The following CLECL1 variants were observed in gnomAD, a reference collection of about 807,000 sequenced individuals.
CLECL1 encodes the protein C-type lectin like 1, also known as C-type lectin-like domain family 1.
chr12:9,702,739 G>T, the CLECL1 span, among the ~76,000 whole-genome samples: 4 of 152,152 alleles, frequency 2.6e-5, no homozygotes, highest in Non-Finnish European at 5.9e-5. Flanking sequence ...TTCCTCCACA[G>T]CATAATTTAA....
chr12:9,733,181 G>A (rs1157745607), upstream of CLECL1: 1 of 1,613,764 alleles, frequency 6.2e-7, no homozygotes, highest in East Asian at 2.2e-5. Flanking sequence ...ATGAATAAAT[G>A]ACAAAACCAA....
upstream of CLECL1, among the ~76,000 whole-genome samples, chr12:9,733,721 AAATCT>A (rs1452212851): frequency 1.3e-5 from 2 of 151,986 alleles, no homozygotes; most frequent in Non-Finnish European, 2.9e-5. Context: ...TAAAAGAAAA[AAATCT>A]AATTTTAAAA....
At chr12:9,729,425 T>A (rs890796471) in intron 2 of CLECL1, among the ~76,000 whole-genome samples, 1 of 152,168 alleles carries the variant, frequency 6.6e-6, no homozygotes. Context: ...TATCACATGG[T>A]GAAATTCTAT....
chr12:9,726,716 A>C (rs948792875), intron 3 of CLECL1, among the ~76,000 whole-genome samples: 5 of 152,018 alleles, frequency 3.3e-5, no homozygotes, highest in Non-Finnish European at 7.4e-5. Context: ...CTATAACAAT[A>C]GAATAAGGGT....
At chr12:9,702,560 G>A in the CLECL1 span, among the ~76,000 whole-genome samples, 1 of 152,098 alleles carries the variant, frequency 6.6e-6, no homozygotes, top group African/African-American at 2.4e-5. Flanking sequence ...AGGATGTGTG[G>A]CTCTTGCTTG....
downstream of CLECL1, among the ~76,000 whole-genome samples, chr12:9,715,589 G>A (rs1866229751): frequency 1.3e-5 from 2 of 152,162 alleles, no homozygotes; most frequent in South Asian, 2.1e-4. Flanking sequence ...ACTGAAGGCA[G>A]CCCTCTGTGT....
chr12:9,715,150 GA>G (rs1866225293), downstream of CLECL1, among the ~76,000 whole-genome samples: 1 of 152,180 alleles, frequency 6.6e-6, no homozygotes, highest in Non-Finnish European at 1.5e-5. Flanking sequence ...TAGCCTAAAT[GA>G]ATGACACAAG....
the CLECL1 span, among the ~76,000 whole-genome samples, chr12:9,710,309 C>T: frequency 6.6e-6 from 1 of 152,258 alleles, no homozygotes; most frequent in East Asian, 1.9e-4. Context: ...TTGCTAGGAA[C>T]CCCCAGGTAG....
At chr12:9,720,931 T>C (rs780134722), downstream of CLECL1, among the ~76,000 whole-genome samples, 11 of 152,366 alleles carry the variant, frequency 7.2e-5, no homozygotes, top group Middle Eastern at 3.4e-3. Context: ...TTCCTCTCTC[T>C]CGCATGTGCC....
At chr12:9,719,091 G>T (rs1245669508), downstream of CLECL1, among the ~76,000 whole-genome samples, 1 of 152,210 alleles carries the variant, frequency 6.6e-6, no homozygotes, top group African/African-American at 2.4e-5. Flanking sequence ...ACTTGGAAAT[G>T]TGCACACAGG....
intron 3 of CLECL1, among the ~76,000 whole-genome samples, chr12:9,724,297 T>G (rs755085681): frequency 6.6e-6 from 1 of 151,980 alleles, no homozygotes; most frequent in Non-Finnish European, 1.5e-5. Flanking sequence ...ACTTTCACAA[T>G]GTATAGTATA....
chr12:9,724,256 A>G (rs931615079), intron 3 of CLECL1, among the ~76,000 whole-genome samples: 2 of 151,994 alleles, frequency 1.3e-5, no homozygotes, highest in Admixed American at 1.3e-4. Flanking sequence ...TTTTGGAGGA[A>G]TATGTGAGAA....
At chr12:9,714,171 G>C (rs1866217780), downstream of CLECL1, among the ~76,000 whole-genome samples, 1 of 152,220 alleles carries the variant, frequency 6.6e-6, no homozygotes, top group South Asian at 2.1e-4. Flanking sequence ...TGAGCATGTA[G>C]ATGGGGGTTT....
chr12:9,734,012 G>A (rs942035805), upstream of CLECL1, among the ~76,000 whole-genome samples: 10 of 152,208 alleles, frequency 6.6e-5, no homozygotes, highest in Non-Finnish European at 1.2e-4. Flanking sequence ...GGAGAGCCTA[G>A]CTACCTGTGA....
At chr12:9,718,821 A>C (rs1483979809), downstream of CLECL1, 1 of 687,834 alleles carries the variant, frequency 1.5e-6, no homozygotes, top group Non-Finnish European at 2.6e-6. Flanking sequence ...ACCTGCCAAC[A>C]ACCTTGATCT....
At chr12:9,709,863 C>T in the CLECL1 span, among the ~76,000 whole-genome samples, 1 of 152,148 alleles carries the variant, frequency 6.6e-6, no homozygotes, top group Non-Finnish European at 1.5e-5. Flanking sequence ...TCAGCTAGTA[C>T]ATTAGAGGAC....
downstream of CLECL1, among the ~76,000 whole-genome samples, chr12:9,713,954 G>C (rs1047638594): frequency 1.3e-5 from 2 of 152,054 alleles, no homozygotes; most frequent in African/African-American, 4.8e-5. Flanking sequence ...TTAACTACTT[G>C]CCTTTGATTA....
intron 3 of CLECL1, among the ~76,000 whole-genome samples, chr12:9,727,039 T>C (rs1389395564): frequency 6.6e-6 from 1 of 151,760 alleles, no homozygotes; most frequent in East Asian, 1.9e-4. Context: ...AAAAGATATA[T>C]AATATTTTAA....
chr12:9,722,220 T>C (rs774321667), downstream of CLECL1, among the ~76,000 whole-genome samples: 8 of 152,256 alleles, frequency 5.3e-5, no homozygotes, highest in Non-Finnish European at 1.2e-4. Flanking sequence ...AAATGTTAGC[T>C]ATCCTCTGGA....
Sources: allele counts gnomAD v4.1 joint callset (sites outside exome capture counted in the v4.1 genomes callset), GRCh38; gene constraint gnomAD v4.1.1; transcripts MANE v1.5; gene names NCBI Gene and HGNC (gene_info 2026-07-23, HGNC 2026-07-21).